Variants in KLHL30 observed in about 807,000 individuals in gnomAD.
KLHL30 encodes the protein kelch like family member 30.
KLHL30 carries 55 observed loss-of-function variants against 55.0 expected under a neutral mutation model. The observed-to-expected ratio is 1.00, with a 90% CI of 0.80 to 1.25. The LOEUF is 1.25. Ranked by LOEUF, KLHL30 falls within the 50% of genes most tolerant of loss-of-function variation. The probability of loss-of-function intolerance (pLI) is 0.00; values close to 1 mark genes in which losing one functional copy is unlikely to be tolerated. For synonymous variants in KLHL30, 356 were observed against 372.6 expected, an observed-to-expected ratio of 0.96 and a Z score of 0.51; for missense variants, 786 against 811.6, an observed-to-expected ratio of 0.97 and a Z score of 0.38.
In KLHL30 at chr2:238,140,973, C is replaced by T. The variant is rs201039052; in HGVS notation, c.219C>T (p.Arg73=). Reference sequence around the variant, plus strand: ...ACTTCGCCGAGAGCTTCTCTGCGCGCGTGGAGCTGCGGGACGTGGAGCCCG... The same window carrying T: ...ACTTCGCCGAGAGCTTCTCTGCGCGTGTGGAGCTGCGGGACGTGGAGCCCG... The part of the protein sequence containing the change: ...AGDFAESFSA[R]VELRDVEPAV... The change falls in exon 2 of 8, where the codon CGC becomes CGT. Residue 73 remains arginine, a synonymous_variant. Transcript: ENST00000409223. 7.7e-5 allele frequency: 124 copies of T among 1,612,236 alleles called. No homozygotes were observed. Among genetic ancestry groups the T allele is most frequent in the Middle Eastern group, 1.6e-4 (1 of 6,084 alleles).
At chr2:238,150,701 T>C (rs574255897) in intron 7 of KLHL30, 113 bp from the exon 8 acceptor site, 434 of 1,262,406 alleles carry the variant, frequency 3.4e-4, no homozygotes, top group Non-Finnish European at 2.6e-4. Flanking sequence ...GGAGGGGATC[T>C]GGGCCAGGTG....
At chr2:238,145,094 C>T in intron 4 of KLHL30, 106 bp downstream of exon 4, 2 of 906,286 alleles carry the variant, frequency 2.2e-6, no homozygotes, top group East Asian at 5.3e-5. Context: ...TCAAGGCTTG[C>T]CGAGGCCTTT....
rs199826847 is a variant in KLHL30, at chr2:238,141,280, C to T, written c.526C>T (p.Arg176Ter). The T allele has an allele frequency of 1.2e-4, 198 of 1,601,832 alleles. No homozygotes were observed. Among genetic ancestry groups the T allele is most frequent in the African/African-American group, 4.0e-5 (3 of 74,890 alleles). Residue 176 changes from arginine (R) to a stop codon, truncating the protein, a stop_gained, in exon 2 of 8, where the codon CGA (arginine) becomes TGA (stop). Coordinates refer to ENST00000409223, the MANE Select transcript of KLHL30 (RefSeq NM_198582.4). LOFTEE classifies it high-confidence loss of function. Reference sequence around the variant, plus strand: ...TGAGGACGAGTTCCTGCAGCTTCCCCGAGAGCGGCTGGTCACTTGTCTGGC... The same window carrying T: ...TGAGGACGAGTTCCTGCAGCTTCCCTGAGAGCGGCTGGTCACTTGTCTGGC... ...AREDEFLQLP[R>*]ERLVTCLAGD...
At position 238,151,766 on chromosome 2, in the gene KLHL30, C is replaced by A; in HGVS notation, c.*701C>A. 1 of 483,564 alleles carries A rather than the reference C, an allele frequency of 2.1e-6. No individual in the cohort carries two copies. Among genetic ancestry groups the A allele is most frequent in the Non-Finnish European group, 2.7e-6 (1 of 371,200 alleles). 30.0% of individuals were successfully genotyped at this position (483,564 alleles called of 1,614,324 possible). Reference sequence around the variant, plus strand: ...GGCACCAGGAAGGAGGGAGGCAGGGCGTGGGGCGGGGCTGGAGGGTCCCAG... The same window carrying A: ...GGCACCAGGAAGGAGGGAGGCAGGGAGTGGGGCGGGGCTGGAGGGTCCCAG... On this transcript the variant is annotated 3_prime_UTR_variant, in exon 8 of 8. Transcript: ENST00000409223.
Position 238,148,039 on chromosome 2 carries a change from G to A in KLHL30, c.1339+17G>A. The A allele has an allele frequency of 7.2e-7, 1 of 1,393,028 alleles. No homozygotes were observed. Among genetic ancestry groups the A allele is most frequent in the East Asian group, 3.0e-5 (1 of 33,554 alleles). The allele number at this position is 1,393,028 out of a possible 1,614,324, so 86.3% of individuals were successfully genotyped here. On this transcript the variant is annotated intron_variant, in intron 6 of 7. Coordinates refer to ENST00000409223, the MANE Select transcript of KLHL30 (RefSeq NM_198582.4). ...CTGTCACAGGTGGGTGGGGCTCAGGGACCGAGGATAGAGGACCACAGGCCC... is the reference window on the plus strand; with the variant it reads ...CTGTCACAGGTGGGTGGGGCTCAGGAACCGAGGATAGAGGACCACAGGCCC...
chr2:238,150,657 G>A (rs991726882), intron 7 of KLHL30, among the ~76,000 whole-genome samples, 157 bp from the exon 8 acceptor site: 6 of 152,282 alleles, frequency 3.9e-5, no homozygotes, highest in East Asian at 3.9e-4. Flanking sequence ...GAGGGGCTGC[G>A]GTGGGCTGCC....
Position 238,151,161 on chromosome 2 carries a change from G to T in KLHL30, c.*96G>T. The T allele has an allele frequency of 6.8e-7, 1 of 1,464,870 alleles. No homozygotes were observed. Among genetic ancestry groups the T allele is most frequent in the Non-Finnish European group, 9.1e-7 (1 of 1,093,274 alleles). The allele number at this position is 1,464,870 out of a possible 1,614,324, so 90.7% of individuals were successfully genotyped here. A position where few individuals can be genotyped will look rare whatever the true frequency, so the allele number is the denominator to read the frequency against. The stretch of plus-strand genomic sequence containing the variant: ...ATTTTCGCTTATTTGTTCACTCGGA[G>T]CTACCATTCCTTCCAAGCTGCGCTC... On this transcript the variant is annotated 3_prime_UTR_variant, in exon 8 of 8. Coordinates refer to ENST00000409223, the MANE Select transcript of KLHL30 (RefSeq NM_198582.4).
In KLHL30 at chr2:238,141,498, C is replaced by T. The variant is rs1245750400; in HGVS notation, c.744C>T (p.Cys248=). The T allele has an allele frequency of 1.2e-5, 18 of 1,471,360 alleles. No homozygotes were observed. In the African/African-American group the frequency reaches 2.4e-4, roughly 20 times the overall value. The allele number at this position is 1,471,360 out of a possible 1,614,324, so 91.1% of individuals were successfully genotyped here. The change falls in exon 2 of 8, where the codon TGC becomes TGT. Residue 248 remains cysteine (C), a synonymous_variant. Transcript: ENST00000409223. ...CCCTGATCCAGGAGTCAGAGGCATGCCGGGCAGCCCTGTCCCAGGGCCATG... is the reference window on the plus strand; with the variant it reads ...CCCTGATCCAGGAGTCAGAGGCATGTCGGGCAGCCCTGTCCCAGGGCCATG... The part of the protein sequence containing the change: ...SEPLIQESEA[C]RAALSQGHDG...
At chr2:238,144,437 AGGCAGGCAGGCAGGCAGGC>A (rs1559276100) in intron 3 of KLHL30, among the ~76,000 whole-genome samples, 25 of 92,198 alleles carry the variant, frequency 2.7e-4, no homozygotes, top group East Asian at 6.3e-4. Context: ...GAAGGAAGGC[AGGCAGGCAGGCAGGCAGGC>A]AGGCAGGCAG....
At chr2:238,146,305 G>T (rs985036974) in intron 5 of KLHL30, among the ~76,000 whole-genome samples, 2 of 151,292 alleles carry the variant, frequency 1.3e-5, no homozygotes, top group African/African-American at 4.8e-5. Context: ...GCTTGGAGGA[G>T]GACAGGGTCT....
chr2:238,143,013 C>T (rs1035760335), intron 3 of KLHL30, 82 bp downstream of exon 3: 10 of 1,404,648 alleles, frequency 7.1e-6, no homozygotes, highest in Admixed American at 3.6e-5. Context: ...GCAGGTGGAG[C>T]GCATGAGGCT....
rs1395003412 is a variant in KLHL30, at chr2:238,138,681, T to G, written c.-148T>G. 1 of 152,516 alleles carries G rather than the reference T, an allele frequency of 6.6e-6. No homozygotes were observed. The allele number at this position is 152,516 out of a possible 1,614,324, so 9.4% of individuals were successfully genotyped here. Reference sequence around the variant, plus strand: ...CCCTGCCCCGCCCTGCAGGCCTCCGTGTCCCCTGGCTGCCGGCTAGGCAGT... The same window carrying G: ...CCCTGCCCCGCCCTGCAGGCCTCCGGGTCCCCTGGCTGCCGGCTAGGCAGT... On this transcript the variant is annotated 5_prime_UTR_variant, in exon 1 of 8. Transcript: ENST00000409223.
In KLHL30 at chr2:238,148,124, C is replaced by T. The variant is rs987471396; in HGVS notation, c.1339+102C>T. The T allele has an allele frequency of 5.8e-5, 66 of 1,147,360 alleles. No homozygotes were observed. In the African/African-American group the frequency reaches 6.8e-4, roughly 12 times the overall value. The allele number at this position is 1,147,360 out of a possible 1,614,324, so 71.1% of individuals were successfully genotyped here. A position where few individuals can be genotyped will look rare whatever the true frequency, so the allele number is the denominator to read the frequency against. On this transcript the variant is annotated intron_variant, in intron 6 of 7. Coordinates refer to ENST00000409223, the MANE Select transcript of KLHL30 (RefSeq NM_198582.4). Reference sequence around the variant, plus strand: ...GAGGATTGGGGCTCCTGAGGATAGACGGGGCCCGGGGTGGAGAGAGCCGGC... The same window carrying T: ...GAGGATTGGGGCTCCTGAGGATAGATGGGGCCCGGGGTGGAGAGAGCCGGC...
chr2:238,145,403 A>G (rs932363338), intron 4 of KLHL30, among the ~76,000 whole-genome samples: 1 of 151,956 alleles, frequency 6.6e-6, no homozygotes, highest in African/African-American at 2.4e-5. Context: ...GCTCTTTCCT[A>G]TCTCAGAGAT....
In KLHL30 at chr2:238,151,828, C is replaced by T; in HGVS notation, c.*763C>T. The stretch of plus-strand genomic sequence containing the variant: ...GTTTTGCTCTCAGAAGGGATTGCCT[C>T]CGTCTCTGTGTGTCAGAACAAAGGC... On this transcript the variant is annotated 3_prime_UTR_variant, in exon 8 of 8. Coordinates refer to ENST00000409223, the MANE Select transcript of KLHL30 (RefSeq NM_198582.4). 1.0e-6 allele frequency: 1 copy of T among 966,416 alleles called. No individual in the cohort carries two copies. Among genetic ancestry groups the T allele is most frequent in the Non-Finnish European group, 1.2e-6 (1 of 812,578 alleles). The allele number at this position is 966,416 out of a possible 1,614,324, so 59.9% of individuals were successfully genotyped here. A position where few individuals can be genotyped will look rare whatever the true frequency, so the allele number is the denominator to read the frequency against.
chr2:238,149,685 G>A (rs1304248093), intron 7 of KLHL30, among the ~76,000 whole-genome samples: 2 of 152,178 alleles, frequency 1.3e-5, no homozygotes, highest in East Asian at 3.9e-4. Context: ...TCTGCCCCAG[G>A]GTGGCCAAGT....
rs1692634893 is a variant in KLHL30 at position 238,145,710 on chromosome 2, C to T, written c.1028C>T (p.Ser343Leu). ...CGGGGCACAAAGACAGACACCTGGTCAACCACCCAGGCCTGGTGCTTCCCC... is the reference window on the plus strand; with the variant it reads ...CGGGGCACAAAGACAGACACCTGGTTAACCACCCAGGCCTGGTGCTTCCCC... Reference protein sequence around the residue: ...GSRGTKTDTWSTTQAWCFPLK... With the variant: ...GSRGTKTDTWLTTQAWCFPLK... The change falls in exon 5 of 8, where the codon TCA becomes TTA. Residue 343 changes from serine to leucine, a missense_variant. Coordinates refer to ENST00000409223, the MANE Select transcript of KLHL30 (RefSeq NM_198582.4). The T allele has an allele frequency of 1.3e-6, 2 of 1,587,158 alleles. No individual in the cohort carries two copies. Among genetic ancestry groups the T allele is most frequent in the East Asian group, 2.3e-5 (1 of 43,266 alleles).
At chr2:238,146,608 T>C (rs952218455) in intron 5 of KLHL30, among the ~76,000 whole-genome samples, 1 of 150,726 alleles carries the variant, frequency 6.6e-6, no homozygotes, top group African/African-American at 2.4e-5. Flanking sequence ...GATTTCACCA[T>C]GTTGTCCAGG....
rs934296081 is a variant in KLHL30 at position 238,152,107 on chromosome 2, G to A, written c.*1042G>A. 3.5e-5 allele frequency: 34 copies of A among 985,412 alleles called. No homozygotes were observed. Among genetic ancestry groups the A allele is most frequent in the Non-Finnish European group, 4.0e-5 (33 of 830,008 alleles). The allele number at this position is 985,412 out of a possible 1,614,324, so 61.0% of individuals were successfully genotyped here. A position where few individuals can be genotyped will look rare whatever the true frequency, so the allele number is the denominator to read the frequency against. On this transcript the variant is annotated 3_prime_UTR_variant, in exon 8 of 8. Coordinates refer to ENST00000409223, the MANE Select transcript of KLHL30 (RefSeq NM_198582.4). ...TCACAGGCTCCGCCCTGGGACATGG[G>A]GCTAGAAGTCAGGAGTCGGGCCCGG... is the stretch of plus-strand genomic sequence containing the variant.
Sources: gnomAD v4.1 joint callset for allele counts (sites outside exome capture counted in the v4.1 genomes callset) on GRCh38, gnomAD v4.1.1 for gene constraint, MANE v1.5 for transcripts, NCBI Gene and HGNC (gene_info 2026-07-23, HGNC 2026-07-21) for gene names.